NEK9: variants seen among roughly 807,000 people sequenced by gnomAD.
The protein encoded by NEK9 is NIMA related kinase 9.
Under a neutral mutation model 123.4 loss-of-function variants are expected in NEK9, and 75 were observed. The observed-to-expected ratio is 0.61, with a 90% CI of 0.50 to 0.74. The LOEUF (loss-of-function observed/expected upper bound fraction) is 0.74. NEK9 is among the 30% of genes least tolerant of loss of function. NEK9 has a pLI of 0.00. For synonymous variants in NEK9, 438 were observed against 458.7 expected (o/e 0.95, Z 0.58); for missense variants, 952 against 1,214.4 (o/e 0.78, Z 3.21).
chr14:75,095,259 C>T, intron 18 of NEK9, 113 bp downstream of exon 18: 1 of 684,162 alleles, frequency 1.5e-6, no homozygotes, highest in Non-Finnish European at 2.5e-6. Context: ...CACTGTATTC[C>T]TCACTTCCCA....
rs1043056518 is a variant in NEK9 at position 75,109,956 on chromosome 14, GA to G, written c.990-80del. On this transcript the variant is annotated intron_variant, in intron 9 of 21. Transcript: ENST00000238616. ...GAAAAATGCTTCCAGTCTGTTCCCT[GA>G]GAAGAACTGCCAATTATGGTATGAG... 6 of 1,329,534 alleles carry G rather than the reference GA, an allele frequency of 4.5e-6. No individual in the cohort carries two copies. In the African/African-American group the frequency reaches 7.4e-5, roughly 16 times the overall value. 82.4% of individuals were successfully genotyped at this position (1,329,534 alleles called of 1,614,324 possible).
intron 10 of NEK9, among the ~76,000 whole-genome samples, chr14:75,109,320 A>G (rs1894884148): frequency 6.6e-6 from 1 of 152,202 alleles, no homozygotes; most frequent in Non-Finnish European, 1.5e-5. Flanking sequence ...CTTTGTTTAC[A>G]AAGCTATTTC....
intron 21 of NEK9, among the ~76,000 whole-genome samples, chr14:75,085,292 G>C (rs887797673): frequency 6.6e-6 from 1 of 152,152 alleles, no homozygotes; most frequent in South Asian, 2.1e-4. Context: ...TGCTCAGCCT[G>C]TATATTATTT....
At chr14:75,099,278 T>C (rs1894484548) in intron 16 of NEK9, among the ~76,000 whole-genome samples, 1 of 151,464 alleles carries the variant, frequency 6.6e-6, no homozygotes, top group South Asian at 2.1e-4. Flanking sequence ...TGAGCCGAGA[T>C]CATACCACTG....
At chr14:75,105,917 T>C in intron 13 of NEK9, 33 bp downstream of exon 13, 2 of 1,552,258 alleles carry the variant, frequency 1.3e-6, no homozygotes, top group Non-Finnish European at 1.8e-6. Context: ...CGACTTAAGA[T>C]AGGTTTTAGA....
intron 18 of NEK9, among the ~76,000 whole-genome samples, chr14:75,094,981 T>A (rs539804954): frequency 5.3e-5 from 8 of 152,188 alleles, no homozygotes; most frequent in African/African-American, 1.9e-4. Flanking sequence ...ACACTGAAAG[T>A]TTAGCCGAGT....
chr14:75,091,934 C>T (rs1894230804), intron 18 of NEK9, among the ~76,000 whole-genome samples: 1 of 152,108 alleles, frequency 6.6e-6, no homozygotes, highest in Admixed American at 6.5e-5. Flanking sequence ...GATAAACTTA[C>T]CATTAACTCC....
chr14:75,115,989 ACG>A (rs1895129751), intron 6 of NEK9, among the ~76,000 whole-genome samples: 1 of 152,206 alleles, frequency 6.6e-6, no homozygotes, highest in Admixed American at 6.5e-5. Context: ...TTTAACACCC[ACG>A]ATGTGTTAGG....
chr14:75,109,999 C>T (rs1014760471), intron 9 of NEK9, 122 bp from the exon 10 acceptor site: 49 of 1,022,250 alleles, frequency 4.8e-5, no homozygotes, highest in Admixed American at 8.7e-5. Context: ...TGTTCTTTCT[C>T]GACAACTTGT....
intron 6 of NEK9, among the ~76,000 whole-genome samples, chr14:75,115,926 ATCTT>A (rs1313589997): frequency 1.3e-5 from 2 of 152,242 alleles, no homozygotes; most frequent in African/African-American, 2.4e-5. Flanking sequence ...AGCAATGACA[ATCTT>A]TATTTATTTT....
Position 75,083,880 on chromosome 14 carries a change from A to G in NEK9, c.*684T>C, listed in dbSNP as rs371427488. 6.6e-6 allele frequency: 1 copy of G among 152,444 alleles called. No homozygotes were observed. Among genetic ancestry groups the G allele is most frequent in the East Asian group, 1.9e-4 (1 of 5,184 alleles). The allele number at this position is 152,444 out of a possible 1,614,324, so 9.4% of individuals were successfully genotyped here. A position where few individuals can be genotyped will look rare whatever the true frequency, so the allele number is the denominator to read the frequency against. ...AGCCTGAAACACCAGCTGTGTGATGAGGAGGGTCCTGCCCTTTCTCTATTC... is the reference window on the plus strand; with the variant it reads ...AGCCTGAAACACCAGCTGTGTGATGGGGAGGGTCCTGCCCTTTCTCTATTC... On this transcript the variant is annotated 3_prime_UTR_variant, in exon 22 of 22. Transcript: ENST00000238616.
intron 10 of NEK9, 134 bp downstream of exon 10, chr14:75,109,551 T>C (rs1440621431): frequency 9.3e-6 from 7 of 754,690 alleles, no homozygotes; most frequent in Non-Finnish European, 1.5e-5. Flanking sequence ...CCTGCTCTTA[T>C]AAGAGCTTCC....
At position 75,088,645 on chromosome 14, in the gene NEK9, T is replaced by C. The variant is rs1894105855; in HGVS notation, c.2443-4A>G. ...TAAATTCTGCATTTTCCAGCTCCTATGTATATGAGAAAGAATCTCATTAGT... is the reference window on the plus strand; with the variant it reads ...TAAATTCTGCATTTTCCAGCTCCTACGTATATGAGAAAGAATCTCATTAGT... On this transcript the variant is annotated splice_region_variant and splice_polypyrimidine_tract_variant and intron_variant, in intron 19 of 21. Coordinates refer to ENST00000238616, the MANE Select transcript of NEK9 (RefSeq NM_033116.6). 1.9e-6 allele frequency: 3 copies of C among 1,611,800 alleles called. No individual in the cohort carries two copies. Among genetic ancestry groups the C allele is most frequent in the Non-Finnish European group, 2.5e-6 (3 of 1,178,968 alleles).
Position 75,084,421 on chromosome 14 carries a change from A to G in NEK9, c.*143T>C, listed in dbSNP as rs1378578782. On this transcript the variant is annotated 3_prime_UTR_variant, in exon 22 of 22. Transcript: ENST00000238616. Reference sequence around the variant, plus strand: ...AAAGGCAATGCCACTCTCCAAATGTACAAGGAAAGTGCTTCAGAGCCTCTG... The same window carrying G: ...AAAGGCAATGCCACTCTCCAAATGTGCAAGGAAAGTGCTTCAGAGCCTCTG... 2 of 924,362 alleles carry G rather than the reference A, an allele frequency of 2.2e-6. No individual in the cohort carries two copies. Among genetic ancestry groups the G allele is most frequent in the Non-Finnish European group, 3.3e-6 (2 of 598,732 alleles). 57.3% of individuals were successfully genotyped at this position (924,362 alleles called of 1,614,324 possible).
At chr14:75,110,473 G>C in intron 8 of NEK9, 102 bp from the exon 9 acceptor site, 1 of 848,184 alleles carries the variant, frequency 1.2e-6, no homozygotes, top group East Asian at 2.5e-5. Flanking sequence ...CTTATAAACT[G>C]TATGCATCCT....
chr14:75,122,853 C>T (rs175452), intron 2 of NEK9, among the ~76,000 whole-genome samples: 141,785 of 143,458 alleles, frequency 0.99, 70,083 homozygotes, highest in East Asian at 1. Flanking sequence ...TGGAGTGCAG[C>T]GGTCTGAGCT....
intron 16 of NEK9, among the ~76,000 whole-genome samples, chr14:75,099,520 G>A (rs953727277): frequency 3.9e-5 from 6 of 152,164 alleles, no homozygotes; most frequent in East Asian, 1.9e-4. Flanking sequence ...GGTGGCTCAC[G>A]CCTATAATCC....
At position 75,082,884 on chromosome 14, in the gene NEK9, AG is replaced by A. The variant is rs1424430527; in HGVS notation, c.*1679del. 2.5e-6 allele frequency: 1 copy of A among 398,252 alleles called. No homozygotes were observed. Among genetic ancestry groups the A allele is most frequent in the African/African-American group, 2.1e-5 (1 of 48,758 alleles). 24.7% of individuals were successfully genotyped at this position (398,252 alleles called of 1,614,324 possible). A position where few individuals can be genotyped will look rare whatever the true frequency, so the allele number is the denominator to read the frequency against. On this transcript the variant is annotated 3_prime_UTR_variant, in exon 22 of 22. Coordinates refer to ENST00000238616, the MANE Select transcript of NEK9 (RefSeq NM_033116.6). ...CCCCAGAACTTGCAACTTTAATCAA[AG>A]TTTGGCTGCTTCCCTTATTTCAAGA...
rs921720420 is a variant in NEK9 at position 75,081,548 on chromosome 14, A to C, written c.*3016T>G. The stretch of plus-strand genomic sequence containing the variant: ...ATCATGAATACTTTTTTGGAGGTTT[A>C]GGGATTTCATGTGAATGAATTTATT... On this transcript the variant is annotated 3_prime_UTR_variant, in exon 22 of 22. Transcript: ENST00000238616. The surrounding 1 kb of genome is among the most constrained non-coding windows in gnomAD (Gnocchi z 4.2). 1 of 152,196 alleles carries C rather than the reference A, an allele frequency of 6.6e-6. No homozygotes were observed. Among genetic ancestry groups the C allele is most frequent in the African/African-American group, 2.4e-5 (1 of 41,438 alleles). 9.4% of individuals were successfully genotyped at this position (152,196 alleles called of 1,614,324 possible).
Sources: gnomAD v4.1 joint callset for allele counts (sites outside exome capture counted in the v4.1 genomes callset) on GRCh38, gnomAD v4.1.1 for gene constraint, Gnocchi (gnomAD v3.1) non-coding constraint, MANE v1.5 for transcripts, NCBI Gene and HGNC (gene_info 2026-07-23, HGNC 2026-07-21) for gene names.